The following ZMAT5 variants were observed in gnomAD, a reference collection of about 807,000 sequenced individuals.
ZMAT5 encodes the protein zinc finger matrin-type 5, also known as zinc finger matrin-type protein 5.
ZMAT5 carries 23 observed loss-of-function variants against 28.0 expected under a neutral mutation model. That is an observed-to-expected ratio of 0.82 (90% confidence interval 0.59 to 1.16). ZMAT5 has a LOEUF of 1.16. Among genes scored for constraint, ZMAT5 ranks in the 50% most tolerant of loss-of-function variants. The pLI is 0.00. For missense variants in ZMAT5, 173 were observed against 212.7 expected (o/e 0.81, Z 1.16); for synonymous variants, 76 against 84.1 (o/e 0.90, Z 0.52).
chr22:29,734,250 C>G (rs536727592), intron 5 of ZMAT5, among the ~76,000 whole-genome samples: 1 of 152,220 alleles, frequency 6.6e-6, no homozygotes, highest in Non-Finnish European at 1.5e-5. Context: ...GGGATAAGAG[C>G]TATGCCACCA....
intron 2 of ZMAT5, among the ~76,000 whole-genome samples, chr22:29,744,695 G>A (rs927286352): frequency 6.6e-6 from 1 of 152,188 alleles, no homozygotes; most frequent in Non-Finnish European, 1.5e-5. Context: ...GCCCACGTCC[G>A]CTTAGTGGTT....
Position 29,765,959 on chromosome 22 carries a change from A to G in ZMAT5, c.-28+913T>C, listed in dbSNP as rs117900282. Among the ~76,000 whole-genome samples, 115 of 152,292 alleles carry G rather than the reference A, an allele frequency of 7.6e-4. 3 individuals carry two copies. In the East Asian group the frequency reaches 0.019, roughly 25 times the overall value. ...TCCATAGACCAGCCAGGATGATGAC[A>G]TTAAAGTGCACATTAAATCTTGTCG... On this transcript the variant is annotated intron_variant, in intron 1 of 5. Transcript: ENST00000344318.
chr22:29,756,152 C>A (rs1364587102), intron 1 of ZMAT5, among the ~76,000 whole-genome samples: 1 of 152,198 alleles, frequency 6.6e-6, no homozygotes, highest in Non-Finnish European at 1.5e-5. Context: ...CTGAAGCTCA[C>A]CTGTTATTTT....
chr22:29,738,629 G>A (rs2067930816), intron 4 of ZMAT5, among the ~76,000 whole-genome samples, 188 bp from the exon 5 acceptor site: 1 of 152,066 alleles, frequency 6.6e-6, no homozygotes, highest in African/African-American at 2.4e-5. Context: ...ACTCGGCCTC[G>A]CTCTGTTTTC....
At chr22:29,748,354 TTGA>T (rs1601723667) in intron 2 of ZMAT5, 61 bp downstream of exon 2, 1 of 1,610,504 alleles carries the variant, frequency 6.2e-7, no homozygotes, top group Non-Finnish European at 8.5e-7. Context: ...ACAGGAGTCT[TTGA>T]TGATAAGAAA....
At chr22:29,760,375 C>CA (rs131280) in intron 1 of ZMAT5, among the ~76,000 whole-genome samples, 5,419 of 98,400 alleles carry the variant, frequency 0.055, 338 homozygotes, top group African/African-American at 0.17. Flanking sequence ...TCCTCTGTCT[C>CA]AAAAAAAAAA....
chr22:29,757,216 CAA>C (rs776485867), intron 1 of ZMAT5, among the ~76,000 whole-genome samples: 28 of 40,774 alleles, frequency 6.9e-4, no homozygotes, highest in Non-Finnish European at 7.0e-4. Flanking sequence ...ACCCCAATCT[CAA>C]AAAAAAAAAA....
chr22:29,765,821 T>C (rs1347333733), intron 1 of ZMAT5, among the ~76,000 whole-genome samples: 1 of 152,150 alleles, frequency 6.6e-6, no homozygotes, highest in Admixed American at 6.5e-5. Context: ...TAAGCCGAGA[T>C]AGCACCACTA....
intron 1 of ZMAT5, among the ~76,000 whole-genome samples, chr22:29,757,258 C>T (rs371618909): frequency 4.2e-5 from 5 of 118,910 alleles, no homozygotes; most frequent in African/African-American, 1.5e-4. Flanking sequence ...AAAAAAAAAA[C>T]AGAAAGAAAT....
At chr22:29,749,050 G>C (rs557913899) in intron 1 of ZMAT5, among the ~76,000 whole-genome samples, 12 of 151,966 alleles carry the variant, frequency 7.9e-5, no homozygotes, top group South Asian at 2.1e-4. Context: ...CTTATACCCT[G>C]TGGCTGGCCT....
chr22:29,744,360 G>A (rs2067989624), intron 2 of ZMAT5, among the ~76,000 whole-genome samples: 1 of 150,850 alleles, frequency 6.6e-6, no homozygotes, highest in African/African-American at 2.4e-5. Flanking sequence ...AAGGGCAACT[G>A]GTGGCTTGTG....
intron 1 of ZMAT5, among the ~76,000 whole-genome samples, chr22:29,750,960 C>T (rs1324814706): frequency 6.6e-6 from 1 of 152,214 alleles, no homozygotes; most frequent in Non-Finnish European, 1.5e-5. Flanking sequence ...CATATAAAAC[C>T]TCTCTTCTCC....
intron 5 of ZMAT5, 56 bp downstream of exon 5, chr22:29,738,274 G>A (rs1166940483): frequency 4.0e-6 from 6 of 1,493,370 alleles, no homozygotes; most frequent in East Asian, 2.3e-5. Flanking sequence ...AGGGGAAGGC[G>A]GGCTGGGGTT....
chr22:29,753,623 A>C (rs1479201694), intron 1 of ZMAT5, among the ~76,000 whole-genome samples: 1 of 152,120 alleles, frequency 6.6e-6, no homozygotes, highest in East Asian at 1.9e-4. Context: ...CAGGAGGCGA[A>C]GGTTGCAGTG....
At position 29,740,231 on chromosome 22, in the gene ZMAT5, C is replaced by T. The variant is rs188260379; in HGVS notation, c.271+419G>A. On this transcript the variant is annotated intron_variant, in intron 4 of 5. Coordinates refer to ENST00000344318, the MANE Select transcript of ZMAT5 (RefSeq NM_001003692.2). ...CTGGAATCACCAGGCTGTGAGACTC[C>T]AGAGGGCAGGGAAGGTGCGTTCCTA... 5.1e-4 allele frequency among the ~76,000 whole-genome samples: 77 copies of T among 152,246 alleles called. 1 individual carries two copies. In the East Asian group the frequency reaches 0.013, roughly 26 times the overall value.
At chr22:29,765,708 A>T (rs922629686) in intron 1 of ZMAT5, among the ~76,000 whole-genome samples, 10 of 146,998 alleles carry the variant, frequency 6.8e-5, no homozygotes, top group Non-Finnish European at 1.2e-4. Context: ...TGTCTCTACT[A>T]AAAAAAAAAA....
At chr22:29,761,471 A>T (rs1044263986) in intron 1 of ZMAT5, among the ~76,000 whole-genome samples, 4 of 151,546 alleles carry the variant, frequency 2.6e-5, no homozygotes. Flanking sequence ...CTGTGGTCCC[A>T]GCTACTACTG....
intron 3 of ZMAT5, among the ~76,000 whole-genome samples, chr22:29,741,166 G>A (rs2067959147): frequency 6.6e-6 from 1 of 152,236 alleles, no homozygotes; most frequent in South Asian, 2.1e-4. Flanking sequence ...GCTCACGGGA[G>A]CAATTGGACT....
intron 1 of ZMAT5, among the ~76,000 whole-genome samples, chr22:29,751,196 G>A (rs2068052956): frequency 6.6e-6 from 1 of 152,114 alleles, no homozygotes. Context: ...AGGGAGGGTG[G>A]TTCTCTGGGA....
Sources: gnomAD v4.1 joint callset for allele counts (sites outside exome capture counted in the v4.1 genomes callset) on GRCh38, gnomAD v4.1.1 for gene constraint, MANE v1.5 for transcripts, NCBI Gene and HGNC (gene_info 2026-07-23, HGNC 2026-07-21) for gene names.